Variants in PTPRT observed in about 807,000 individuals in gnomAD.
PTPRT encodes the protein receptor-type tyrosine-protein phosphatase T.
A neutral mutation model predicts 176.8 loss-of-function variants in PTPRT; 56 were observed. That is an observed-to-expected ratio of 0.32 (90% CI 0.26 to 0.40). The LOEUF (loss-of-function observed/expected upper bound fraction) is 0.40. Among genes scored for constraint, PTPRT ranks in the 10% least tolerant of loss-of-function variants. PTPRT has a pLI of 1.00. For missense variants in PTPRT, 1,540 were observed against 1,908.2 expected (o/e 0.81, Z 3.60); for synonymous variants, 783 against 739.0 (o/e 1.06, Z -0.96).
At chr20:43,163,656 A>C (rs572890543) in intron 1 of PTPRT, among the ~76,000 whole-genome samples, 38 of 151,892 alleles carry the variant, frequency 2.5e-4, no homozygotes, top group Non-Finnish European at 7.4e-5. Flanking sequence ...AACAAAACAA[A>C]AAAAAAAACA....
chr20:43,045,875 G>T (rs1011036466), intron 1 of PTPRT, among the ~76,000 whole-genome samples: 2 of 152,124 alleles, frequency 1.3e-5, no homozygotes, highest in African/African-American at 4.8e-5. Flanking sequence ...AGGGATGAAA[G>T]GAGGCAGGGG....
chr20:42,581,727 T>G (rs568406218), intron 7 of PTPRT, among the ~76,000 whole-genome samples: 1 of 152,304 alleles, frequency 6.6e-6, no homozygotes, highest in Admixed American at 6.5e-5. Flanking sequence ...AAGAGAAAAT[T>G]GCATTGCCTT....
intron 12 of PTPRT, among the ~76,000 whole-genome samples, chr20:42,292,401 TG>T (rs2058280034): frequency 6.6e-6 from 1 of 152,088 alleles, no homozygotes. Flanking sequence ...GGCTCAATCT[TG>T]GCTCATTGCA....
chr20:42,918,597 A>AC (rs933941201), intron 1 of PTPRT, among the ~76,000 whole-genome samples: 1 of 151,000 alleles, frequency 6.6e-6, no homozygotes, highest in African/African-American at 2.4e-5. Flanking sequence ...CATTGCAACC[A>AC]CCCCCCTTTT....
At chr20:42,804,632 C>T (rs1300822599) in intron 2 of PTPRT, among the ~76,000 whole-genome samples, 1 of 152,238 alleles carries the variant, frequency 6.6e-6, no homozygotes, top group African/African-American at 2.4e-5. Flanking sequence ...TTGATCGTCT[C>T]ACAGTCCTGG....
At chr20:42,289,176 A>G (rs181871336) in intron 12 of PTPRT, among the ~76,000 whole-genome samples, 3 of 152,266 alleles carry the variant, frequency 2.0e-5, no homozygotes, top group Admixed American at 2.0e-4. Flanking sequence ...AAAATCCTAG[A>G]AGAAAACCTA....
At chr20:42,349,036 C>G (rs1303112819) in intron 11 of PTPRT, among the ~76,000 whole-genome samples, 1 of 152,182 alleles carries the variant, frequency 6.6e-6, no homozygotes, top group Non-Finnish European at 1.5e-5. Flanking sequence ...ATAGGAACTT[C>G]TAAATTGGTG....
At chr20:42,261,214 T>C (rs1468426857) in intron 13 of PTPRT, among the ~76,000 whole-genome samples, 2 of 152,154 alleles carry the variant, frequency 1.3e-5, no homozygotes, top group Admixed American at 1.3e-4. Flanking sequence ...CTGCTAGTGG[T>C]TGGCAATGCT....
At chr20:42,754,162 C>T (rs938635823) in intron 6 of PTPRT, among the ~76,000 whole-genome samples, 2 of 150,974 alleles carry the variant, frequency 1.3e-5, no homozygotes, top group Admixed American at 6.6e-5. Context: ...TCACATAATA[C>T]AAATATAATA....
chr20:43,064,032 T>C (rs1472824469), intron 1 of PTPRT, among the ~76,000 whole-genome samples: 1 of 151,744 alleles, frequency 6.6e-6, no homozygotes, highest in Non-Finnish European at 1.5e-5. Flanking sequence ...ACAACTTTTC[T>C]TAAAAAAAAA....
chr20:42,441,428 C>T (rs2059314793), intron 9 of PTPRT, among the ~76,000 whole-genome samples: 1 of 152,188 alleles, frequency 6.6e-6, no homozygotes, highest in African/African-American at 2.4e-5. Context: ...AGCTGGACTG[C>T]AGTAAGCAAT....
intron 1 of PTPRT, among the ~76,000 whole-genome samples, chr20:42,993,852 G>T (rs139597808): frequency 7.2e-5 from 11 of 151,864 alleles, no homozygotes; most frequent in African/African-American, 2.7e-4. Context: ...CCCTGACATC[G>T]CTTGTCACAC....
At chr20:42,525,306 G>A (rs2072248989) in intron 7 of PTPRT, among the ~76,000 whole-genome samples, 3 of 152,122 alleles carry the variant, frequency 2.0e-5, no homozygotes, top group Admixed American at 2.0e-4. Flanking sequence ...TTCTGTAAAT[G>A]TTTTAAATAT....
chr20:43,126,555 A>C (rs2013446782), intron 1 of PTPRT, among the ~76,000 whole-genome samples: 1 of 152,182 alleles, frequency 6.6e-6, no homozygotes, highest in Non-Finnish European at 1.5e-5. Context: ...ACAAGAAAAG[A>C]TTTCACCTGA....
Position 42,587,390 on chromosome 20 carries a change from G to C in PTPRT, c.1153+90476C>G, listed in dbSNP as rs115840100. 4.6e-3 allele frequency among the ~76,000 whole-genome samples: 701 copies of C among 152,318 alleles called. 9 individuals carry two copies. The highest frequency in any genetic ancestry group is 0.016 in the African/African-American group (676 of 41,574). ...AAAGGTATGAGCCCTTTATGAACTA[G>C]CTGCACTCTGCCCTTTGGTCATAAG... On this transcript the variant is annotated intron_variant, in intron 7 of 30. Coordinates refer to ENST00000373187, the MANE Select transcript of PTPRT (RefSeq NM_007050.6).
intron 1 of PTPRT, among the ~76,000 whole-genome samples, chr20:42,942,798 A>G (rs1055608749): frequency 6.6e-6 from 1 of 152,222 alleles, no homozygotes; most frequent in African/African-American, 2.4e-5. Flanking sequence ...TCAAGTTGAT[A>G]GAGGATTTTA....
chr20:42,110,780 T>TTTTG (rs3841672), intron 22 of PTPRT, among the ~76,000 whole-genome samples: 70,626 of 151,766 alleles, frequency 0.47, 17,055 homozygotes, highest in African/African-American at 0.61. Flanking sequence ...GGAGACCTTC[T>TTTTG]TTTGTTTGCC....
intron 1 of PTPRT, among the ~76,000 whole-genome samples, chr20:43,164,563 A>T (rs2014802151): frequency 6.6e-6 from 1 of 152,198 alleles, no homozygotes; most frequent in South Asian, 2.1e-4. Flanking sequence ...AGGGAGACAG[A>T]GGTGTTGACT....
chr20:43,095,757 C>T (rs1360399895), intron 1 of PTPRT, among the ~76,000 whole-genome samples: 1 of 149,696 alleles, frequency 6.7e-6, no homozygotes, highest in Non-Finnish European at 1.5e-5. Flanking sequence ...CCCTCTCCTT[C>T]TCTCTCCAAC....
Sources: allele counts gnomAD v4.1 joint callset (sites outside exome capture counted in the v4.1 genomes callset), GRCh38; gene constraint gnomAD v4.1.1; transcripts MANE v1.5; gene names NCBI Gene and HGNC (gene_info 2026-07-23, HGNC 2026-07-21).